CAST: variants seen among roughly 807,000 people sequenced by gnomAD.
The protein encoded by CAST is calpastatin.
In CAST, 76 loss-of-function variants were observed where a neutral mutation model predicts 119.6. The ratio of observed to expected loss-of-function variants is 0.64; its 90% confidence interval spans 0.53 to 0.77. The LOEUF (loss-of-function observed/expected upper bound fraction) is 0.77. CAST is among the 30% of genes least tolerant of loss of function. The pLI is 0.00. For missense variants in CAST, 953 were observed against 946.5 expected, an observed-to-expected ratio of 1.01 and a Z score of -0.09; for synonymous variants, 319 against 331.6, an observed-to-expected ratio of 0.96 and a Z score of 0.41.
chr5:96,362,984 T>A, the CAST span, among the ~76,000 whole-genome samples: 1 of 152,052 alleles, frequency 6.6e-6, no homozygotes, highest in Non-Finnish European at 1.5e-5. Flanking sequence ...CATTTAAGTC[T>A]TTAATCCATA....
At chr5:96,702,644 C>T (rs1754060400) in intron 3 of CAST, 1 of 405,952 alleles carries the variant, frequency 2.5e-6, no homozygotes, top group Non-Finnish European at 3.3e-6. Flanking sequence ...TCACAGGCTG[C>T]GTTATTGAGT....
the CAST span, among the ~76,000 whole-genome samples, chr5:95,981,020 G>T: frequency 6.6e-6 from 1 of 152,118 alleles, no homozygotes; most frequent in African/African-American, 2.4e-5. Context: ...TGAGGCTGGA[G>T]GTCAGCAAAA....
At chr5:96,058,715 T>G in the CAST span, among the ~76,000 whole-genome samples, 1 of 151,986 alleles carries the variant, frequency 6.6e-6, no homozygotes, top group South Asian at 2.1e-4. Context: ...CTTTTCAGAT[T>G]TTTGAGAGGT....
intron 1 of CAST, among the ~76,000 whole-genome samples, chr5:96,581,976 G>A (rs1214119160): frequency 6.6e-6 from 1 of 152,136 alleles, no homozygotes; most frequent in African/African-American, 2.4e-5. Flanking sequence ...TGCAATAAAA[G>A]AGAACTTTCT....
At chr5:96,510,568 T>G in the CAST span, among the ~76,000 whole-genome samples, 1 of 152,314 alleles carries the variant, frequency 6.6e-6, no homozygotes, top group South Asian at 2.1e-4. Flanking sequence ...TAAAAGACAC[T>G]TAAGAGACAT....
chr5:96,601,183 C>T (rs2150194013), intron 1 of CAST, among the ~76,000 whole-genome samples: 1 of 152,284 alleles, frequency 6.6e-6, no homozygotes. Flanking sequence ...TTACCTATTA[C>T]TTTCCTTATT....
At chr5:96,612,771 G>A (rs1747386586) in intron 1 of CAST, among the ~76,000 whole-genome samples, 1 of 152,056 alleles carries the variant, frequency 6.6e-6, no homozygotes, top group South Asian at 2.1e-4. Flanking sequence ...ACTTATTTTA[G>A]TTTTGCTTTA....
At chr5:96,204,932 G>A in the CAST span, among the ~76,000 whole-genome samples, 1 of 152,070 alleles carries the variant, frequency 6.6e-6, no homozygotes, top group African/African-American at 2.4e-5. Flanking sequence ...TCATGAGTAT[G>A]AATTCCAAAG....
the CAST span, among the ~76,000 whole-genome samples, chr5:96,293,754 A>G: frequency 6.6e-6 from 1 of 152,010 alleles, no homozygotes; most frequent in South Asian, 2.1e-4. Context: ...AGTAAATGCC[A>G]GATTATTATT....
chr5:96,661,447 T>C (rs928669318), upstream of CAST, among the ~76,000 whole-genome samples: 403 of 136,728 alleles, frequency 2.9e-3, 3 homozygotes, highest in African/African-American at 0.01. Context: ...AAAAAAAGGC[T>C]CTGCCTTCTC....
chr5:96,245,633 A>C, the CAST span, among the ~76,000 whole-genome samples: 60 of 152,218 alleles, frequency 3.9e-4, no homozygotes, highest in African/African-American at 1.3e-3. Context: ...AAAAAAAAAA[A>C]AAAACAAATA....
chr5:96,196,983 C>T, the CAST span, among the ~76,000 whole-genome samples: 1 of 152,132 alleles, frequency 6.6e-6, no homozygotes, highest in East Asian at 1.9e-4. Context: ...GAATATGCCT[C>T]TTTTAACAGA....
At chr5:96,350,914 G>T in the CAST span, among the ~76,000 whole-genome samples, 1 of 152,028 alleles carries the variant, frequency 6.6e-6, no homozygotes, top group Non-Finnish European at 1.5e-5. Context: ...ATTTCCCCTG[G>T]TGACATTTTC....
intron 24 of CAST, among the ~76,000 whole-genome samples, chr5:96,758,254 T>C (rs766051964): frequency 1.3e-5 from 2 of 152,224 alleles, no homozygotes; most frequent in Non-Finnish European, 2.9e-5. Flanking sequence ...TTGATATTTC[T>C]ACAATTTATC....
chr5:96,573,020 A>C (rs1038530850), intron 1 of CAST, among the ~76,000 whole-genome samples: 2 of 152,230 alleles, frequency 1.3e-5, no homozygotes, highest in African/African-American at 4.8e-5. Flanking sequence ...AAGTTACTCG[A>C]TGACTAATTG....
At chr5:96,231,189 T>C in the CAST span, among the ~76,000 whole-genome samples, 1 of 152,278 alleles carries the variant, frequency 6.6e-6, no homozygotes, top group African/African-American at 2.4e-5. Flanking sequence ...TGAGTGTTCA[T>C]AGAAATATAA....
chr5:96,072,045 A>G, the CAST span, among the ~76,000 whole-genome samples: 5 of 152,218 alleles, frequency 3.3e-5, no homozygotes, highest in African/African-American at 9.6e-5. Context: ...ATTAGAAAAG[A>G]AAACTTAAAT....
At chr5:96,427,707 A>C in the CAST span, among the ~76,000 whole-genome samples, 1 of 152,276 alleles carries the variant, frequency 6.6e-6, no homozygotes, top group African/African-American at 2.4e-5. Flanking sequence ...ATTCTGTCCA[A>C]TTTTCTCCTA....
At chr5:96,215,583 T>G in the CAST span, 1 of 152,066 alleles carries the variant, frequency 6.6e-6, no homozygotes, top group East Asian at 1.9e-4. Context: ...CACTTATACA[T>G]GGATTTTTTT....
Sources: gnomAD v4.1 joint callset for allele counts (sites outside exome capture counted in the v4.1 genomes callset) on GRCh38, gnomAD v4.1.1 for gene constraint, MANE v1.5 for transcripts, NCBI Gene and HGNC (gene_info 2026-07-23, HGNC 2026-07-21) for gene names.